The following TIAM1 variants were observed in gnomAD, a reference collection of about 807,000 sequenced individuals.
The protein encoded by TIAM1 is TIAM Rac1 associated GEF 1, also known as rho guanine nucleotide exchange factor TIAM1.
A neutral mutation model predicts 163.5 loss-of-function variants in TIAM1; 65 were observed. That is an observed-to-expected ratio of 0.40 (90% confidence interval 0.33 to 0.49). TIAM1 has a LOEUF of 0.49. Among genes scored for constraint, TIAM1 ranks in the 20% least tolerant of loss-of-function variants. TIAM1 has a pLI of 0.77. For missense variants in TIAM1, 1,789 were observed against 2,044.7 expected (o/e 0.87, Z 2.41); for synonymous variants, 833 against 810.1 (o/e 1.03, Z -0.48).
chr21:31,557,695 G>A (rs1454618511), intron 1 of TIAM1, among the ~76,000 whole-genome samples: 1 of 152,202 alleles, frequency 6.6e-6, no homozygotes, highest in African/African-American at 2.4e-5. Flanking sequence ...GGGGCCGCGC[G>A]GGTGTCACCG....
chr21:31,351,723 T>C (rs1320031042), intron 2 of TIAM1, among the ~76,000 whole-genome samples: 2 of 152,132 alleles, frequency 1.3e-5, no homozygotes, highest in East Asian at 1.9e-4. Context: ...TGGTCAAAGA[T>C]ACAGACTTCC....
At chr21:31,491,266 GAACT>G (rs752668787) in intron 1 of TIAM1, among the ~76,000 whole-genome samples, 4 of 152,226 alleles carry the variant, frequency 2.6e-5, no homozygotes, top group Non-Finnish European at 5.9e-5. Context: ...CTGCATTAAT[GAACT>G]AACCTTGGAA....
At chr21:31,513,262 T>C (rs1051711667) in intron 1 of TIAM1, among the ~76,000 whole-genome samples, 2 of 152,134 alleles carry the variant, frequency 1.3e-5, no homozygotes, top group Admixed American at 6.5e-5. Context: ...CCCTATGAAA[T>C]AGGTAAACTA....
At chr21:31,192,974 C>T (rs2085642706) in intron 13 of TIAM1, among the ~76,000 whole-genome samples, 1 of 152,132 alleles carries the variant, frequency 6.6e-6, no homozygotes. Flanking sequence ...AGCCACCGGG[C>T]TTTGGTGGCT....
chr21:31,332,324 A>G (rs965223630), intron 2 of TIAM1, among the ~76,000 whole-genome samples: 2 of 152,184 alleles, frequency 1.3e-5, no homozygotes, highest in Non-Finnish European at 2.9e-5. Context: ...CATAATATCC[A>G]TATTACAGGC....
At chr21:31,310,940 C>T (rs931173767) in intron 2 of TIAM1, among the ~76,000 whole-genome samples, 2 of 152,148 alleles carry the variant, frequency 1.3e-5, no homozygotes, top group Admixed American at 6.5e-5. Context: ...CTCAGTGACT[C>T]GTGCAATGCA....
intron 1 of TIAM1, among the ~76,000 whole-genome samples, chr21:31,468,842 T>A (rs1189301605): frequency 6.6e-6 from 1 of 152,038 alleles, no homozygotes; most frequent in African/African-American, 2.4e-5. Flanking sequence ...TGACTTTTCC[T>A]CTTTTTCCTC....
chr21:31,367,673 T>C (rs2076524972), intron 2 of TIAM1, among the ~76,000 whole-genome samples: 1 of 152,182 alleles, frequency 6.6e-6, no homozygotes, highest in South Asian at 2.1e-4. Context: ...CCAAGAGACC[T>C]GTTTATCAGC....
At chr21:31,374,271 G>T (rs1444458358) in intron 2 of TIAM1, among the ~76,000 whole-genome samples, 1 of 152,260 alleles carries the variant, frequency 6.6e-6, no homozygotes, top group Non-Finnish European at 1.5e-5. Flanking sequence ...CTGGGTGCTG[G>T]TAAGAAGAGG....
chr21:31,281,676 A>G (rs562008668), intron 2 of TIAM1, among the ~76,000 whole-genome samples: 2 of 152,142 alleles, frequency 1.3e-5, no homozygotes, highest in South Asian at 4.2e-4. Context: ...GAATGGACAG[A>G]TAAGTGGATG....
intron 2 of TIAM1, among the ~76,000 whole-genome samples, chr21:31,323,621 A>C (rs958865609): frequency 1.3e-5 from 2 of 150,616 alleles, no homozygotes; most frequent in African/African-American, 4.9e-5. Context: ...ACCTGAGGTC[A>C]GGAGTTTGAG....
chr21:31,242,847 C>T (rs186586865), intron 6 of TIAM1, among the ~76,000 whole-genome samples: 1,749 of 75,250 alleles, frequency 0.023, 23 homozygotes, highest in Admixed American at 0.04. Context: ...GGGGACAGAA[C>T]AAGACTCTGT....
At chr21:31,365,234 T>C (rs2076479178) in intron 2 of TIAM1, among the ~76,000 whole-genome samples, 1 of 152,040 alleles carries the variant, frequency 6.6e-6, no homozygotes, top group South Asian at 2.1e-4. Context: ...GGAAGAGATC[T>C]AACACAACGC....
chr21:31,532,887 A>G (rs2048015315), intron 1 of TIAM1, among the ~76,000 whole-genome samples: 2 of 152,236 alleles, frequency 1.3e-5, no homozygotes. Context: ...TCGAGGCCAC[A>G]GTGAGTTGTG....
chr21:31,462,760 TG>T (rs2045379046), intron 2 of TIAM1, among the ~76,000 whole-genome samples: 3 of 149,134 alleles, frequency 2.0e-5, no homozygotes, highest in Non-Finnish European at 4.5e-5. Context: ...TTTTTTTTTT[TG>T]AGACCAAGTC....
In TIAM1 at chr21:31,164,931, AG is replaced by A. The variant is rs748776115; in HGVS notation, c.2991+30del. 6 of 1,605,990 alleles carry A rather than the reference AG, an allele frequency of 3.7e-6. No individual in the cohort carries two copies. In the South Asian group the frequency reaches 6.6e-5, roughly 18 times the overall value. On this transcript the variant is annotated intron_variant, in intron 16 of 27. Transcript: ENST00000541036. The stretch of plus-strand genomic sequence containing the variant: ...CAGCTGTGATTCTTCAGTGGTTCAA[AG>A]CATGGGATGTGAAAATGAAAATCTC...
intron 2 of TIAM1, among the ~76,000 whole-genome samples, chr21:31,424,419 C>T (rs1033612985): frequency 3.9e-5 from 6 of 152,102 alleles, no homozygotes; most frequent in African/African-American, 1.2e-4. Flanking sequence ...TGTGGATAAA[C>T]GAAATGCGGT....
At chr21:31,132,069 A>G (rs1343291690) in intron 23 of TIAM1, among the ~76,000 whole-genome samples, 1 of 152,244 alleles carries the variant, frequency 6.6e-6, no homozygotes, top group African/African-American at 2.4e-5. Context: ...GGAATAGCCC[A>G]GTCACACAGC....
rs115917739 is a variant in TIAM1, at chr21:31,198,638, C to T, written c.2494-3333G>A. Among the ~76,000 whole-genome samples, 693 of 152,290 alleles carry T rather than the reference C, an allele frequency of 4.6e-3. 6 individuals are homozygous for T. Among genetic ancestry groups the T allele is most frequent in the African/African-American group, 0.015 (642 of 41,562 alleles). ...TCACTTCAACTTATCAGGAGCCTTACTTTTATTTTTTAAAACTTTAAGAGC... is the reference window on the plus strand; with the variant it reads ...TCACTTCAACTTATCAGGAGCCTTATTTTTATTTTTTAAAACTTTAAGAGC... On this transcript the variant is annotated intron_variant, in intron 12 of 27. Coordinates refer to ENST00000541036, the MANE Select transcript of TIAM1 (RefSeq NM_001353694.2).
Sources: gnomAD v4.1 joint callset for allele counts (sites outside exome capture counted in the v4.1 genomes callset) on GRCh38, gnomAD v4.1.1 for gene constraint, MANE v1.5 for transcripts, NCBI Gene and HGNC (gene_info 2026-07-23, HGNC 2026-07-21) for gene names.